Variants in KCNIP3 observed in about 807,000 individuals in gnomAD.
KCNIP3 encodes calsenilin.
In KCNIP3, 28 loss-of-function variants were observed where a neutral mutation model predicts 35.0. The observed-to-expected ratio is 0.80, with a 90% CI of 0.59 to 1.10. The LOEUF is 1.10. Among genes scored for constraint, KCNIP3 ranks in the 50% least tolerant of loss-of-function variants. KCNIP3 has a pLI of 0.00. For missense variants in KCNIP3, 295 were observed against 338.4 expected, an observed-to-expected ratio of 0.87 and a Z score of 1.01; for synonymous variants, 134 against 133.8, an observed-to-expected ratio of 1.00 and a Z score of -0.01.
intron 2 of KCNIP3, chr2:95,368,706 T>G: frequency 3.9e-6 from 1 of 255,274 alleles, no homozygotes; most frequent in Non-Finnish European, 8.6e-6. Flanking sequence ...TCTGTGTGAA[T>G]GAATATGCTT....
intron 2 of KCNIP3, among the ~76,000 whole-genome samples, chr2:95,351,728 C>T (rs1381063190): frequency 8.5e-5 from 13 of 152,188 alleles, no homozygotes; most frequent in Non-Finnish European, 1.3e-4. Context: ...GCCTGTAATC[C>T]CTGCACTTTG....
chr2:95,375,013 G>A, intron 4 of KCNIP3, 96 bp downstream of exon 4: 6 of 1,523,542 alleles, frequency 3.9e-6, no homozygotes, highest in South Asian at 2.2e-5. Flanking sequence ...TGCTGCCCCT[G>A]TCCCGTGGGA....
chr2:95,366,940 A>T (rs1168428048), intron 2 of KCNIP3, among the ~76,000 whole-genome samples: 2 of 152,186 alleles, frequency 1.3e-5, no homozygotes, highest in African/African-American at 4.8e-5. Context: ...TTTGTCAGAT[A>T]TGCAGTTTGC....
At chr2:95,343,288 T>C (rs1679262793) in intron 2 of KCNIP3, among the ~76,000 whole-genome samples, 1 of 152,170 alleles carries the variant, frequency 6.6e-6, no homozygotes, top group Admixed American at 6.5e-5. Flanking sequence ...AGGTCAGCTT[T>C]GGAGGTGCTG....
At chr2:95,351,701 G>A (rs1175355147) in intron 2 of KCNIP3, among the ~76,000 whole-genome samples, 1 of 151,986 alleles carries the variant, frequency 6.6e-6, no homozygotes, top group African/African-American at 2.4e-5. Context: ...AGGTCTGCAG[G>A]GACCTCCCTG....
intron 2 of KCNIP3, among the ~76,000 whole-genome samples, chr2:95,339,035 G>A (rs1346698134): frequency 6.6e-6 from 1 of 152,210 alleles, no homozygotes; most frequent in Non-Finnish European, 1.5e-5. Flanking sequence ...GTAAAGCCCT[G>A]CCTTGGAGGA....
intron 2 of KCNIP3, chr2:95,312,778 C>T (rs924810179): frequency 1.3e-5 from 2 of 152,218 alleles, no homozygotes; most frequent in Non-Finnish European, 2.9e-5. Flanking sequence ...GGTGCCCACC[C>T]TGACGAGCGT....
chr2:95,351,712 G>C (rs1443586443), intron 2 of KCNIP3, among the ~76,000 whole-genome samples: 1 of 152,230 alleles, frequency 6.6e-6, no homozygotes, highest in East Asian at 1.9e-4. Context: ...GACCTCCCTG[G>C]CTCATGCCTG....
chr2:95,325,782 C>G (rs1678738614), intron 2 of KCNIP3, among the ~76,000 whole-genome samples: 1 of 150,784 alleles, frequency 6.6e-6, no homozygotes, highest in South Asian at 2.1e-4. Flanking sequence ...TATACACACA[C>G]TCATACACAC....
At chr2:95,302,517 C>T (rs1332792095) in intron 1 of KCNIP3, among the ~76,000 whole-genome samples, 1 of 152,226 alleles carries the variant, frequency 6.6e-6, no homozygotes, top group Non-Finnish European at 1.5e-5. Context: ...GGCCTCCCTG[C>T]CAGGCATGCT....
intron 7 of KCNIP3, 108 bp from the exon 8 acceptor site, chr2:95,383,123 AT>A: frequency 2.1e-5 from 5 of 238,788 alleles, no homozygotes; most frequent in Non-Finnish European, 4.2e-5. Context: ...CCACCCGCCC[AT>A]CCACCCACCC....
intron 2 of KCNIP3, among the ~76,000 whole-genome samples, chr2:95,329,453 G>T (rs373376059): frequency 2.0e-5 from 3 of 152,358 alleles, no homozygotes; most frequent in South Asian, 2.1e-4. Flanking sequence ...CACTGCACTG[G>T]GCTTGCTCAC....
chr2:95,340,226 G>A (rs1302610050), intron 2 of KCNIP3, among the ~76,000 whole-genome samples: 4 of 152,086 alleles, frequency 2.6e-5, no homozygotes, highest in South Asian at 2.1e-4. Context: ...AATCCCAGCT[G>A]CTCAGGAGGT....
At chr2:95,306,116 GA>G (rs1189847868) in intron 1 of KCNIP3, among the ~76,000 whole-genome samples, 2 of 152,182 alleles carry the variant, frequency 1.3e-5, no homozygotes, top group African/African-American at 4.8e-5. Flanking sequence ...ACCGACAATG[GA>G]GGGGTGATTC....
intron 2 of KCNIP3, among the ~76,000 whole-genome samples, chr2:95,343,715 G>A (rs1432647888): frequency 6.6e-6 from 1 of 152,208 alleles, no homozygotes; most frequent in Non-Finnish European, 1.5e-5. Flanking sequence ...CAAAATGCAG[G>A]GAGGAAGAGT....
At chr2:95,308,873 C>T (rs1678243716) in intron 1 of KCNIP3, among the ~76,000 whole-genome samples, 1 of 152,232 alleles carries the variant, frequency 6.6e-6, no homozygotes. Flanking sequence ...GTAGAAGCTG[C>T]TTGACGGCCC....
chr2:95,319,773 T>G (rs903736268), intron 2 of KCNIP3, among the ~76,000 whole-genome samples: 2 of 152,200 alleles, frequency 1.3e-5, no homozygotes, highest in Admixed American at 6.5e-5. Flanking sequence ...CCTCACAGGC[T>G]CTTGGGCTCA....
rs566336192 is a variant in KCNIP3, at chr2:95,376,326, G to A, written c.447+1118G>A. ...TTTAGGAAACGGTGTAAGGGAGCAG[G>A]CGGGGTGCGAGTGGTTTTTCTTGTT... On this transcript the variant is annotated intron_variant, in intron 5 of 8. Coordinates refer to ENST00000295225, the MANE Select transcript of KCNIP3 (RefSeq NM_013434.5). This position sits in a 1 kb window ranked among gnomAD's most constrained non-coding sequence, Gnocchi z 4.2. Among the ~76,000 whole-genome samples, 12 of 152,322 alleles carry A rather than the reference G, an allele frequency of 7.9e-5. No homozygotes were observed. The highest frequency in any genetic ancestry group is 1.6e-4 in the Non-Finnish European group (11 of 68,030).
chr2:95,317,097 G>A (rs1254775343), intron 2 of KCNIP3, among the ~76,000 whole-genome samples: 1 of 152,208 alleles, frequency 6.6e-6, no homozygotes, highest in Non-Finnish European at 1.5e-5. Flanking sequence ...ATAGAGGTCA[G>A]AGGTCAAGAG....
Sources: allele counts gnomAD v4.1 joint callset (sites outside exome capture counted in the v4.1 genomes callset), GRCh38; gene constraint gnomAD v4.1.1; non-coding constraint Gnocchi (gnomAD v3.1); transcripts MANE v1.5; gene names NCBI Gene and HGNC (gene_info 2026-07-23, HGNC 2026-07-21).